HDAC8: variants seen among roughly 807,000 people sequenced by gnomAD.
HDAC8 encodes histone deacetylase 8, also known as histone deacetylase-like 1.
A neutral mutation model predicts 32.2 loss-of-function variants in HDAC8; 1 was observed. That is an observed-to-expected ratio of 0.03 (90% CI 0.01 to 0.15). The LOEUF is 0.15. HDAC8 is among the 10% of genes least tolerant of loss of function. HDAC8 has a pLI of 1.00. For missense variants in HDAC8, 117 were observed against 300.0 expected, an observed-to-expected ratio of 0.39 and a Z score of 4.51; for synonymous variants, 108 against 113.9, an observed-to-expected ratio of 0.95 and a Z score of 0.33.
chrX:72,430,403 C>T (rs1013739610), intron 9 of HDAC8, among the ~76,000 whole-genome samples: 7 of 112,441 alleles, frequency 6.2e-5, no homozygotes, highest in Non-Finnish European at 1.3e-4. Context: ...CTTGAAACGC[C>T]GTCTAGAAAA....
intron 9 of HDAC8, among the ~76,000 whole-genome samples, chrX:72,370,238 A>G (rs1445642561): frequency 2.7e-5 from 3 of 112,287 alleles, no homozygotes; most frequent in Non-Finnish European, 1.9e-5. Flanking sequence ...GTATATGCCT[A>G]ATGTATGGGC....
At chrX:72,376,862 A>G (rs1287836081) in intron 9 of HDAC8, 4 of 111,518 alleles carry the variant, frequency 3.6e-5, no homozygotes, top group Admixed American at 9.5e-5. Context: ...CCCTCTGAGT[A>G]CTGCATTCAT....
At chrX:72,383,827 G>A (rs1329805730) in intron 9 of HDAC8, among the ~76,000 whole-genome samples, 1 of 94,959 alleles carries the variant, frequency 1.1e-5, no homozygotes, top group Non-Finnish European at 2.0e-5. Flanking sequence ...CCAAGATCAC[G>A]CCACTGCACT....
chrX:72,335,663 T>C (rs1171365507), intron 10 of HDAC8, among the ~76,000 whole-genome samples: 4 of 111,111 alleles, frequency 3.6e-5, no homozygotes, highest in African/African-American at 1.3e-4. Context: ...GTAATCCCAG[T>C]GTTTTGGGAG....
At chrX:72,333,806 T>C (rs1430750282) in intron 10 of HDAC8, among the ~76,000 whole-genome samples, 3 of 111,676 alleles carry the variant, frequency 2.7e-5, no homozygotes, top group African/African-American at 9.8e-5. Flanking sequence ...ACACCTTCGC[T>C]TGTGTTGTTG....
chrX:72,501,743 A>G (rs1556016249), intron 4 of HDAC8, among the ~76,000 whole-genome samples: 1 of 112,370 alleles, frequency 8.9e-6, no homozygotes, highest in Non-Finnish European at 1.9e-5. Context: ...AACAAATGCA[A>G]TTTCAACAAA....
rs782612136 is a variant in HDAC8, at chrX:72,385,230, G to A, written c.1006-33392C>T. 2.3e-4 allele frequency among the ~76,000 whole-genome samples: 26 copies of A among 111,557 alleles called. 1 individual carries two copies. The highest frequency in any genetic ancestry group is 2.8e-4 in the Non-Finnish European group (15 of 53,160). On this transcript the variant is annotated intron_variant, in intron 9 of 10. Transcript: ENST00000373573. ...TGTAATCCCAGCACTTTGGGAGGCCGAGGCAGGAGGATCACTTGAGGCCAC... is the reference window on the plus strand; with the variant it reads ...TGTAATCCCAGCACTTTGGGAGGCCAAGGCAGGAGGATCACTTGAGGCCAC...
At chrX:72,383,490 G>T (rs1259627453) in intron 9 of HDAC8, among the ~76,000 whole-genome samples, 1 of 112,091 alleles carries the variant, frequency 8.9e-6, no homozygotes, top group East Asian at 2.8e-4. Flanking sequence ...TTGTAAGCAA[G>T]AATTCTTGAC....
At chrX:72,332,851 C>T (rs2043568049) in intron 10 of HDAC8, among the ~76,000 whole-genome samples, 1 of 110,222 alleles carries the variant, frequency 9.1e-6, no homozygotes, top group Non-Finnish European at 1.9e-5. Flanking sequence ...GGGATCTCAC[C>T]ATGTTGGCCA....
intron 9 of HDAC8, among the ~76,000 whole-genome samples, chrX:72,457,790 T>C (rs1303323915): frequency 8.9e-6 from 1 of 112,019 alleles, no homozygotes; most frequent in Non-Finnish European, 1.9e-5. Flanking sequence ...ATAGATTCAG[T>C]GCCATCTACA....
intron 9 of HDAC8, 87 bp from the exon 10 acceptor site, chrX:72,351,925 A>C: frequency 3.0e-6 from 2 of 660,090 alleles, no homozygotes; most frequent in Non-Finnish European, 4.7e-6. Flanking sequence ...AAAGAAACTC[A>C]TACTACCAAC....
At chrX:72,567,577 CTG>C in intron 4 of HDAC8, 3 of 467,340 alleles carry the variant, frequency 6.4e-6, no homozygotes, top group Non-Finnish European at 1.1e-5. Flanking sequence ...AATTTAGAGA[CTG>C]TCTAGTTGTA....
intron 10 of HDAC8, among the ~76,000 whole-genome samples, chrX:72,334,137 C>T (rs2043613827): frequency 9.0e-6 from 1 of 111,670 alleles, no homozygotes; most frequent in African/African-American, 3.3e-5. Flanking sequence ...TTTCCCCTCA[C>T]ATCTAGCTTT....
At chrX:72,385,127 A>G (rs782174692) in intron 9 of HDAC8, among the ~76,000 whole-genome samples, 11 of 110,011 alleles carry the variant, frequency 1.0e-4, no homozygotes, top group Non-Finnish European at 1.9e-4. Flanking sequence ...ATTTATTGTG[A>G]TTTTGTTTTT....
In HDAC8 at chrX:72,478,299, A is replaced by C. The variant is rs782576644; in HGVS notation, c.737+10634T>G. On this transcript the variant is annotated intron_variant, in intron 7 of 10. Transcript: ENST00000373573. The stretch of plus-strand genomic sequence containing the variant: ...TCTAGTTTGAATTACTAGCATGTCC[A>C]GTGCTTGAAAGTAATAAAAATGCAT... Among the ~76,000 whole-genome samples, 4 of 112,669 alleles carry C rather than the reference A, an allele frequency of 3.6e-5. No individual in the cohort carries two copies. In the South Asian group the frequency reaches 1.5e-3, roughly 42 times the overall value.
intron 9 of HDAC8, among the ~76,000 whole-genome samples, chrX:72,386,302 C>A (rs1177033331): frequency 4.5e-5 from 5 of 111,422 alleles, no homozygotes; most frequent in African/African-American, 1.6e-4. Flanking sequence ...AATCATTTCC[C>A]CCAAATTCCA....
intron 9 of HDAC8, among the ~76,000 whole-genome samples, chrX:72,450,830 TA>T (rs1313901893): frequency 1.2e-4 from 13 of 107,809 alleles, no homozygotes; most frequent in South Asian, 3.9e-4. Flanking sequence ...GAGAATAAGT[TA>T]AAAAAAAAAT....
At chrX:72,448,709 A>G (rs1263659939) in intron 9 of HDAC8, among the ~76,000 whole-genome samples, 1 of 112,412 alleles carries the variant, frequency 8.9e-6, no homozygotes, top group African/African-American at 3.2e-5. Context: ...AATATCTAGA[A>G]TCTACAAGGA....
At chrX:72,439,012 T>C (rs1273814507) in intron 9 of HDAC8, among the ~76,000 whole-genome samples, 1 of 111,099 alleles carries the variant, frequency 9.0e-6, no homozygotes, top group Non-Finnish European at 1.9e-5. Context: ...CACATAATTG[T>C]TAGATTCACC....
Sources: gnomAD v4.1 joint callset for allele counts (sites outside exome capture counted in the v4.1 genomes callset) on GRCh38, gnomAD v4.1.1 for gene constraint, MANE v1.5 for transcripts, NCBI Gene and HGNC (gene_info 2026-07-23, HGNC 2026-07-21) for gene names.